NOL4: variants seen among roughly 807,000 people sequenced by gnomAD.
The protein encoded by NOL4 is cancer/testis antigen 125.
A neutral mutation model predicts 75.9 loss-of-function variants in NOL4; 17 were observed. The ratio of observed to expected loss-of-function variants is 0.22; its 90% confidence interval spans 0.15 to 0.34. The LOEUF (loss-of-function observed/expected upper bound fraction) is 0.34, where lower values mean the gene tolerates loss of function less well. Among genes scored for constraint, NOL4 ranks in the 10% least tolerant of loss-of-function variants. NOL4 has a pLI of 1.00. For synonymous variants in NOL4, 292 were observed against 289.9 expected, an observed-to-expected ratio of 1.01 and a Z score of -0.07; for missense variants, 614 against 793.5, an observed-to-expected ratio of 0.77 and a Z score of 2.72.
intron 1 of NOL4, among the ~76,000 whole-genome samples, chr18:34,210,871 G>T (rs1196087783): frequency 6.6e-6 from 1 of 152,130 alleles, no homozygotes; most frequent in South Asian, 2.1e-4. Context: ...TTACATTAGA[G>T]CACCATTTAT....
intron 6 of NOL4, among the ~76,000 whole-genome samples, chr18:34,012,750 C>T (rs2074447068): frequency 6.6e-6 from 1 of 151,908 alleles, no homozygotes; most frequent in African/African-American, 2.4e-5. Flanking sequence ...GTAACTAAAA[C>T]ATCAAAAGCA....
At chr18:34,145,299 CTTAAGTA>C (rs1191945173) in intron 1 of NOL4, among the ~76,000 whole-genome samples, 1 of 151,908 alleles carries the variant, frequency 6.6e-6, no homozygotes, top group Non-Finnish European at 1.5e-5. Flanking sequence ...CTTTTCTAGT[CTTAAGTA>C]TTATCAATCA....
chr18:34,010,217 T>C (rs976743531), intron 6 of NOL4, among the ~76,000 whole-genome samples: 3 of 152,010 alleles, frequency 2.0e-5, no homozygotes, highest in Non-Finnish European at 4.4e-5. Context: ...TTTCAAATGT[T>C]TTAATTTTTG....
chr18:34,114,695 G>A (rs938433074), intron 2 of NOL4, among the ~76,000 whole-genome samples: 13 of 152,014 alleles, frequency 8.6e-5, no homozygotes, highest in African/African-American at 3.1e-4. Context: ...TGATAAATTG[G>A]TTGACTGCTG....
chr18:34,037,811 G>A (rs2075975319), intron 5 of NOL4, among the ~76,000 whole-genome samples: 2 of 151,930 alleles, frequency 1.3e-5, no homozygotes, highest in Non-Finnish European at 2.9e-5. Context: ...ACCACTGTAA[G>A]GAAAACATTT....
At position 33,980,409 on chromosome 18, in the gene NOL4, C is replaced by T. The variant is rs1164219975; in HGVS notation, c.1057-21991G>A. Among the ~76,000 whole-genome samples the T allele has an allele frequency of 3.9e-5, 6 of 151,972 alleles. No homozygotes were observed. The East Asian group carries it at 1.2e-3, about 29-fold the overall frequency. On this transcript the variant is annotated intron_variant, in intron 6 of 10. Coordinates refer to ENST00000261592, the MANE Select transcript of NOL4 (RefSeq NM_003787.5). ...AATATCAGATAAAAATACCCTTAGG[C>T]TTATAGCAAAAGGAGGGGAAAAGTA...
chr18:34,141,303 T>C (rs1171765831), intron 1 of NOL4, among the ~76,000 whole-genome samples: 1 of 152,144 alleles, frequency 6.6e-6, no homozygotes, highest in Non-Finnish European at 1.5e-5. Flanking sequence ...AAGCTACCAA[T>C]GACTTTCTTC....
intron 8 of NOL4, among the ~76,000 whole-genome samples, chr18:33,947,398 T>G (rs2068912618): frequency 6.6e-6 from 1 of 151,700 alleles, no homozygotes; most frequent in African/African-American, 2.4e-5. Flanking sequence ...AAATTCCCTC[T>G]TACATTTGTA....
At position 34,151,227 on chromosome 18, in the gene NOL4, T is replaced by C. The variant is rs544226489; in HGVS notation, c.265-21207A>G. Among the ~76,000 whole-genome samples, 19 of 151,862 alleles carry C rather than the reference T, an allele frequency of 1.3e-4. No homozygotes were observed. The East Asian group carries it at 1.7e-3, about 14-fold the overall frequency. On this transcript the variant is annotated intron_variant, in intron 1 of 10. Coordinates refer to ENST00000261592, the MANE Select transcript of NOL4 (RefSeq NM_003787.5). ...CTACCTTTGTATTTACCCAAAGAGG[T>C]TGAAAACTTAAGTCTACAAGAACAC...
At chr18:33,866,651 G>A (rs1476510392) in intron 10 of NOL4, among the ~76,000 whole-genome samples, 6 of 152,044 alleles carry the variant, frequency 3.9e-5, no homozygotes, top group Admixed American at 3.9e-4. Context: ...TAAATCACAG[G>A]ATAACCTAAA....
chr18:34,069,602 T>A (rs2077423917), intron 5 of NOL4, among the ~76,000 whole-genome samples: 1 of 151,406 alleles, frequency 6.6e-6, no homozygotes, highest in African/African-American at 2.4e-5. Flanking sequence ...ATAGGCAAAC[T>A]GATGAAAACC....
intron 6 of NOL4, among the ~76,000 whole-genome samples, chr18:33,993,223 T>C (rs1020544427): frequency 1.3e-5 from 2 of 151,896 alleles, no homozygotes; most frequent in Non-Finnish European, 2.9e-5. Flanking sequence ...CTCCAGTGCA[T>C]TGTTGAAAAT....
At chr18:33,951,480 G>A (rs189464636) in intron 8 of NOL4, among the ~76,000 whole-genome samples, 1 of 151,912 alleles carries the variant, frequency 6.6e-6, no homozygotes, top group African/African-American at 2.4e-5. Flanking sequence ...TACTGTTTAG[G>A]ACTAATCTAC....
At chr18:34,072,012 C>G (rs952703198) in intron 5 of NOL4, among the ~76,000 whole-genome samples, 4 of 152,126 alleles carry the variant, frequency 2.6e-5, no homozygotes, top group Admixed American at 2.6e-4. Flanking sequence ...GCCTGCAGAT[C>G]ATGAGGTCAG....
rs140424142 is a variant in NOL4, at chr18:34,153,683, T to C, written c.265-23663A>G. 1.3e-3 allele frequency among the ~76,000 whole-genome samples: 196 copies of C among 152,054 alleles called. 2 individuals are homozygous for C. Among genetic ancestry groups the C allele is most frequent in the African/African-American group, 4.5e-3 (186 of 41,522 alleles). On this transcript the variant is annotated intron_variant, in intron 1 of 10. Coordinates refer to ENST00000261592, the MANE Select transcript of NOL4 (RefSeq NM_003787.5). The stretch of plus-strand genomic sequence containing the variant: ...CCAAATCAATGCACAGAGACACATA[T>C]GAATTGCAATATTTATAACAAACTG...
chr18:33,893,026 A>C (rs1364504950), intron 9 of NOL4, among the ~76,000 whole-genome samples: 1 of 152,080 alleles, frequency 6.6e-6, no homozygotes, highest in African/African-American at 2.4e-5. Flanking sequence ...ATATCATGAA[A>C]ATAAAATTGA....
intron 10 of NOL4, among the ~76,000 whole-genome samples, chr18:33,857,038 G>A (rs965726514): frequency 6.6e-6 from 1 of 151,754 alleles, no homozygotes; most frequent in African/African-American, 2.4e-5. Context: ...CTTTTATCAA[G>A]TCACAACCAT....
chr18:33,951,711 G>A (rs1398928044), intron 8 of NOL4, among the ~76,000 whole-genome samples: 1 of 151,936 alleles, frequency 6.6e-6, no homozygotes, highest in African/African-American at 2.4e-5. Context: ...CTCCTTGCCT[G>A]AATATTATAT....
chr18:34,096,699 C>G (rs188997746), intron 4 of NOL4, among the ~76,000 whole-genome samples: 7 of 152,258 alleles, frequency 4.6e-5, no homozygotes, highest in Admixed American at 4.6e-4. Flanking sequence ...TGACTAAAAT[C>G]TCATGATAAT....
Sources: allele counts gnomAD v4.1 joint callset (sites outside exome capture counted in the v4.1 genomes callset), GRCh38; gene constraint gnomAD v4.1.1; transcripts MANE v1.5; gene names NCBI Gene and HGNC (gene_info 2026-07-23, HGNC 2026-07-21).